PPARD: variants seen among roughly 807,000 people sequenced by gnomAD.
PPARD encodes the protein peroxisome proliferator-activated receptor delta.
PPARD carries 6 observed loss-of-function variants against 39.5 expected under a neutral mutation model. The observed-to-expected ratio is 0.15, with a 90% CI of 0.08 to 0.30. The LOEUF (loss-of-function observed/expected upper bound fraction) is 0.30, where lower values mean the gene tolerates loss of function less well. PPARD is among the 10% of genes least tolerant of loss of function. PPARD has a pLI of 1.00. For missense variants in PPARD, 397 were observed against 596.8 expected (o/e 0.67, Z 3.49); for synonymous variants, 210 against 231.3 (o/e 0.91, Z 0.83).
At position 35,425,101 on chromosome 6, in the gene PPARD, C is replaced by T. The variant is rs2150864206; in HGVS notation, c.1078+322C>T. The T allele has an allele frequency of 1.4e-5, 13 of 907,468 alleles. No homozygotes were observed. The highest frequency in any genetic ancestry group is 3.3e-5 in the South Asian group (1 of 30,650). The allele number at this position is 907,468 out of a possible 1,614,324, so 56.2% of individuals were successfully genotyped here. A position where few individuals can be genotyped will look rare whatever the true frequency, so the allele number is the denominator to read the frequency against. On this transcript the variant is annotated intron_variant, in intron 7 of 7. Transcript: ENST00000360694. This position sits in a 1 kb window ranked among gnomAD's most constrained non-coding sequence, Gnocchi z 4.5. ...CAGCCTGGCCAACATGGTGAAACCC[C>T]GTCTCTACTAAAAATACAAAAAATT... is the stretch of plus-strand genomic sequence containing the variant.
intron 2 of PPARD, among the ~76,000 whole-genome samples, chr6:35,404,244 A>G (rs1436459698): frequency 2.0e-5 from 3 of 152,174 alleles, no homozygotes; most frequent in Non-Finnish European, 2.9e-5. Flanking sequence ...CCTTGAGCCA[A>G]TTACTTTGCC....
At chr6:35,346,089 C>T (rs538513889) in intron 1 of PPARD, among the ~76,000 whole-genome samples, 2 of 152,102 alleles carry the variant, frequency 1.3e-5, no homozygotes, top group South Asian at 2.1e-4. Flanking sequence ...CCGTGTTAGT[C>T]GAGATGGTCT....
intron 2 of PPARD, among the ~76,000 whole-genome samples, chr6:35,386,331 TTTTTTTTC>T (rs1298670691): frequency 6.8e-6 from 1 of 146,552 alleles, no homozygotes; most frequent in African/African-American, 2.6e-5. Flanking sequence ...TTTTTTTTTT[TTTTTTTTC>T]AGTGAGCCAG....
intron 2 of PPARD, among the ~76,000 whole-genome samples, chr6:35,380,818 A>G (rs1763114900): frequency 6.6e-6 from 1 of 152,136 alleles, no homozygotes; most frequent in Non-Finnish European, 1.5e-5. Context: ...TAAAACAGGC[A>G]TGGTAACACT....
At chr6:35,407,365 G>A (rs1470092852) in intron 2 of PPARD, among the ~76,000 whole-genome samples, 1 of 151,928 alleles carries the variant, frequency 6.6e-6, no homozygotes, top group Non-Finnish European at 1.5e-5. Context: ...CCGCCACTGC[G>A]CTGTGGCTCT....
intron 2 of PPARD, among the ~76,000 whole-genome samples, chr6:35,398,795 A>G (rs55680730): frequency 0.013 from 1,989 of 152,310 alleles, 29 homozygotes; most frequent in African/African-American, 0.032. Context: ...AATAAAGATC[A>G]TAAGTGTTAC....
intron 2 of PPARD, among the ~76,000 whole-genome samples, chr6:35,365,693 G>A (rs1461034292): frequency 6.6e-6 from 1 of 151,482 alleles, no homozygotes; most frequent in Non-Finnish European, 1.5e-5. Flanking sequence ...GTTTCACTTT[G>A]TTGGCCAGGC....
chr6:35,421,784 C>T (rs761694538), intron 4 of PPARD, 36 bp from the exon 5 acceptor site: 1 of 1,575,164 alleles, frequency 6.3e-7, no homozygotes, highest in Admixed American at 1.8e-5. Context: ...CTCCCACCTC[C>T]TGGTGGCCTT....
At chr6:35,420,026 CA>C (rs1766032840) in intron 3 of PPARD, 100 bp from the exon 4 acceptor site, 1 of 1,397,714 alleles carries the variant, frequency 7.2e-7, no homozygotes, top group Non-Finnish European at 9.7e-7. Flanking sequence ...TGAGGCCACA[CA>C]GCTGTTAAGT....
intron 2 of PPARD, among the ~76,000 whole-genome samples, chr6:35,360,753 ATTTTTCTCTT>A (rs2150490370): frequency 6.6e-6 from 1 of 152,108 alleles, no homozygotes; most frequent in African/African-American, 2.4e-5. Context: ...GTGGCATTAT[ATTTTTCTCTT>A]TTCTTGCACC....
chr6:35,352,518 G>A lies in PPARD; in HGVS notation c.-102+5368G>A, dbSNP rs368956550. On this transcript the variant is annotated intron_variant, in intron 2 of 7. Transcript: ENST00000360694. ...ATTTAAAAGACAGATATCAAAGGTG[G>A]AGATTTTAATAAAGTTAGTTTTTAT... Among the ~76,000 whole-genome samples the A allele has an allele frequency of 3.1e-4, 47 of 152,294 alleles. No individual in the cohort carries two copies. In the South Asian group the frequency reaches 9.3e-3, roughly 30 times the overall value.
intron 3 of PPARD, among the ~76,000 whole-genome samples, chr6:35,419,117 A>T (rs1312460700): frequency 6.6e-6 from 1 of 151,928 alleles, no homozygotes; most frequent in Non-Finnish European, 1.5e-5. Flanking sequence ...ATCCCCTTCT[A>T]CTCAAAATGG....
At chr6:35,403,225 T>A (rs917905821) in intron 2 of PPARD, among the ~76,000 whole-genome samples, 4 of 152,266 alleles carry the variant, frequency 2.6e-5, no homozygotes, top group Middle Eastern at 3.4e-3. Flanking sequence ...ACACAAGCCA[T>A]GGGTGATAAT....
chr6:35,359,714 A>G (rs1323245535), intron 2 of PPARD, among the ~76,000 whole-genome samples: 1 of 152,208 alleles, frequency 6.6e-6, no homozygotes, highest in African/African-American at 2.4e-5. Context: ...TCTGAGTAGA[A>G]TATGGCTCCC....
chr6:35,367,038 G>A (rs995299314), intron 2 of PPARD, among the ~76,000 whole-genome samples: 1 of 152,196 alleles, frequency 6.6e-6, no homozygotes, highest in Non-Finnish European at 1.5e-5. Flanking sequence ...GATGGCACTG[G>A]AAGTGGAAAG....
At chr6:35,351,731 T>C (rs1238624036) in intron 2 of PPARD, among the ~76,000 whole-genome samples, 2 of 152,150 alleles carry the variant, frequency 1.3e-5, no homozygotes, top group African/African-American at 4.8e-5. Context: ...TTTTAAAATT[T>C]TTTGTAAAGA....
chr6:35,415,370 A>G (rs1581659209), intron 3 of PPARD, among the ~76,000 whole-genome samples: 2 of 152,224 alleles, frequency 1.3e-5, no homozygotes, highest in Admixed American at 6.5e-5. Context: ...AAATAGACCA[A>G]TCGGGCGCCT....
Position 35,425,859 on chromosome 6 carries a change from G to T in PPARD, c.1106G>T (p.Arg369Leu). The change falls in exon 8 of 8, where the codon CGG becomes CTG. Residue 369 changes from arginine to leucine, a missense_variant. Arg to Leu is a moderately radical substitution (Grantham distance 102). Transcript: ENST00000360694. The surrounding 1 kb of genome is among the most constrained non-coding windows in gnomAD (Gnocchi z 4.5). ...GDRPGLMNVPRVEAIQDTILR... is the reference protein window; with the variant it reads ...GDRPGLMNVPLVEAIQDTILR... ...CGGCCAGGCCTCATGAACGTTCCAC[G>T]GGTGGAGGCTATCCAGGACACCATC... The T allele has an allele frequency of 1.9e-6, 3 of 1,614,026 alleles. No individual in the cohort carries two copies. Among genetic ancestry groups the T allele is most frequent in the African/African-American group, 1.3e-5 (1 of 75,016 alleles).
Position 35,425,173 on chromosome 6 carries a change from C to T in PPARD, c.1078+394C>T. ...CCTGTAATCCCAGCTACTTGGGAGG[C>T]TGAGCCAGGAGAATCGCTTGAACCC... is the stretch of plus-strand genomic sequence containing the variant. On this transcript the variant is annotated intron_variant, in intron 7 of 7. Coordinates refer to ENST00000360694, the MANE Select transcript of PPARD (RefSeq NM_006238.5). The surrounding 1 kb of genome is among the most constrained non-coding windows in gnomAD (Gnocchi z 4.5). 1 of 831,352 alleles carries T rather than the reference C, an allele frequency of 1.2e-6. No homozygotes were observed. Among genetic ancestry groups the T allele is most frequent in the Non-Finnish European group, 1.5e-6 (1 of 670,446 alleles). 51.5% of individuals were successfully genotyped at this position (831,352 alleles called of 1,614,324 possible).
Sources: gnomAD v4.1 joint callset for allele counts (sites outside exome capture counted in the v4.1 genomes callset) on GRCh38, gnomAD v4.1.1 for gene constraint, Gnocchi (gnomAD v3.1) non-coding constraint, MANE v1.5 for transcripts, NCBI Gene and HGNC (gene_info 2026-07-23, HGNC 2026-07-21) for gene names.